The following DST variants were observed in gnomAD, a reference collection of about 807,000 sequenced individuals.
DST encodes the protein bullous pemphigoid antigen.
DST carries 253 observed loss-of-function variants against 875.2 expected under a neutral mutation model. The ratio of observed to expected loss-of-function variants is 0.29; its 90% CI spans 0.26 to 0.32. The LOEUF is 0.32. DST is among the 10% of genes least tolerant of loss of function. DST has a pLI of 1.00. For missense variants in DST, 8,287 were observed against 9,111.6 expected (o/e 0.91, Z 3.68); for synonymous variants, 3,124 against 3,197.1 (o/e 0.98, Z 0.77).
chr6:56,769,662 C>T (rs2099644188), intron 4 of DST, among the ~76,000 whole-genome samples: 2 of 151,962 alleles, frequency 1.3e-5, no homozygotes, highest in South Asian at 4.2e-4. Context: ...CAAAAAAACA[C>T]AAAAACTAGC....
rs749726643 is a variant in DST at position 56,619,451 on chromosome 6, T to A, written c.4930-4967A>T. ...TTTCTCAAATTGTTCTTTTAGATGA[T>A]CTGATTTTCTCTGGCAGATTTGTAG... On this transcript the variant is annotated intron_variant, in intron 36 of 103. Coordinates refer to ENST00000680361, the MANE Select transcript of DST (RefSeq NM_001374736.1). 5 of 1,611,644 alleles carry A rather than the reference T, an allele frequency of 3.1e-6. No individual in the cohort carries two copies. The South Asian group carries it at 5.5e-5, about 18-fold the overall frequency.
Position 56,887,131 on chromosome 6 carries a change from C to T in DST, c.417+13290G>A, listed in dbSNP as rs146864984. On this transcript the variant is annotated intron_variant, in intron 3 of 103. Coordinates refer to ENST00000680361, the MANE Select transcript of DST (RefSeq NM_001374736.1). ...ACAATTAACTTGCTGCTAATTAGCA[C>T]TATTTAATGGTAGGAGATTGTATCA... Among the ~76,000 whole-genome samples, 390 of 152,326 alleles carry T rather than the reference C, an allele frequency of 2.6e-3. 2 individuals carry two copies. The highest frequency in any genetic ancestry group is 9.1e-3 in the African/African-American group (380 of 41,574).
intron 78 of DST, among the ~76,000 whole-genome samples, chr6:56,502,735 A>T (rs2096177548): frequency 1.3e-5 from 2 of 152,148 alleles, no homozygotes; most frequent in African/African-American, 4.8e-5. Context: ...GTTAAACAAA[A>T]TTTCAATTTA....
chr6:56,744,613 T>C (rs1272709804), intron 4 of DST, among the ~76,000 whole-genome samples: 4 of 152,162 alleles, frequency 2.6e-5, no homozygotes, highest in Admixed American at 1.3e-4. Context: ...CAATGGATGG[T>C]TGGTGAACAG....
chr6:56,818,475 G>A (rs1267581669), intron 4 of DST, among the ~76,000 whole-genome samples: 2 of 152,094 alleles, frequency 1.3e-5, no homozygotes, highest in African/African-American at 4.8e-5. Flanking sequence ...ACCAAATGGA[G>A]CAACAATCAT....
chr6:56,460,328 T>C, intron 102 of DST, 74 bp from the exon 103 acceptor site: 2 of 1,534,166 alleles, frequency 1.3e-6, no homozygotes, highest in Non-Finnish European at 8.9e-7. Flanking sequence ...ACCACTTCTT[T>C]ACATATGGGT....
intron 50 of DST, among the ~76,000 whole-genome samples, chr6:56,576,800 T>C (rs1019425279): frequency 3.9e-5 from 6 of 152,086 alleles, no homozygotes; most frequent in African/African-American, 1.4e-4. Context: ...TGGCCATCTG[T>C]AAGCCAGGAA....
chr6:56,909,956 GC>G (rs1409048693), intron 2 of DST, among the ~76,000 whole-genome samples: 3 of 152,074 alleles, frequency 2.0e-5, no homozygotes, highest in Non-Finnish European at 2.9e-5. Context: ...CACTTTGTCA[GC>G]CGGGAAAAAA....
chr6:56,514,648 G>A (rs1443441359), intron 72 of DST, among the ~76,000 whole-genome samples: 1 of 149,282 alleles, frequency 6.7e-6, no homozygotes, highest in Admixed American at 6.7e-5. Flanking sequence ...TGCACACCAT[G>A]ATTAGTCTCA....
intron 4 of DST, among the ~76,000 whole-genome samples, chr6:56,808,915 T>A (rs1368298152): frequency 1.3e-5 from 2 of 152,228 alleles, no homozygotes; most frequent in Non-Finnish European, 2.9e-5. Flanking sequence ...ATTTGTTGCA[T>A]GAGTCTGGTG....
chr6:56,775,731 T>C (rs1056026456), intron 4 of DST, among the ~76,000 whole-genome samples: 2 of 152,168 alleles, frequency 1.3e-5, no homozygotes, highest in East Asian at 3.8e-4. Flanking sequence ...GAGCTCCCAA[T>C]GGCCAAAGCT....
chr6:56,554,443 A>C (rs2152558087), intron 60 of DST, among the ~76,000 whole-genome samples: 1 of 152,278 alleles, frequency 6.6e-6, no homozygotes, highest in East Asian at 1.9e-4. Flanking sequence ...AAACTACATG[A>C]GTTTGTATCT....
chr6:56,876,648 A>C (rs1779764630), intron 3 of DST, among the ~76,000 whole-genome samples: 1 of 152,208 alleles, frequency 6.6e-6, no homozygotes, highest in African/African-American at 2.4e-5. Flanking sequence ...TTAACTCCCA[A>C]TTCTAAATGG....
intron 6 of DST, 33 bp downstream of exon 6, chr6:56,704,247 T>G: frequency 8.8e-7 from 1 of 1,141,230 alleles, no homozygotes; most frequent in Non-Finnish European, 1.3e-6. Context: ...GATTACACGT[T>G]CTTCAAAATA....
intron 3 of DST, among the ~76,000 whole-genome samples, chr6:56,888,542 A>T (rs1051125651): frequency 1.3e-5 from 2 of 152,214 alleles, no homozygotes; most frequent in African/African-American, 4.8e-5. Flanking sequence ...GGTTATGCAC[A>T]TAGAGCTGCC....
chr6:56,565,112 C>CTTTTTTTTTTTT (rs1157403022), intron 55 of DST, among the ~76,000 whole-genome samples: 1 of 134,478 alleles, frequency 7.4e-6, no homozygotes, highest in Non-Finnish European at 1.6e-5. Context: ...TTTCTCTTTT[C>CTTTTTTTTTTTT]TTTTTTTTTT....
intron 2 of DST, among the ~76,000 whole-genome samples, chr6:56,935,795 C>T (rs1293456155): frequency 1.3e-5 from 2 of 151,754 alleles, no homozygotes; most frequent in East Asian, 3.9e-4. Context: ...CATGGTGGTG[C>T]GTGCCTGTAG....
At chr6:56,602,820 T>C (rs2098458200) in intron 43 of DST, 62 bp downstream of exon 43, 1 of 1,245,566 alleles carries the variant, frequency 8.0e-7, no homozygotes, top group East Asian at 2.7e-5. Context: ...TTCTAAACAC[T>C]TGTTATATAT....
At chr6:56,642,982 C>G in intron 15 of DST, 1 of 1,350,010 alleles carries the variant, frequency 7.4e-7, no homozygotes, top group Non-Finnish European at 9.8e-7. Context: ...TCAAAAGAAT[C>G]TAGCCTAAAG....
Sources: gnomAD v4.1 joint callset for allele counts (sites outside exome capture counted in the v4.1 genomes callset) on GRCh38, gnomAD v4.1.1 for gene constraint, MANE v1.5 for transcripts, NCBI Gene and HGNC (gene_info 2026-07-23, HGNC 2026-07-21) for gene names.